FAM227B: variants seen among roughly 807,000 people sequenced by gnomAD.
FAM227B encodes family with sequence similarity 227 member B.
In FAM227B, 88 loss-of-function variants were observed where a neutral mutation model predicts 73.8. The observed-to-expected ratio is 1.19, with a 90% CI of 1.00 to 1.42. FAM227B has a LOEUF of 1.42. Ranked by LOEUF, FAM227B falls within the 40% of genes most tolerant of loss-of-function variation. The probability of loss-of-function intolerance (pLI) is 0.00; values close to 1 mark genes in which losing one functional copy is unlikely to be tolerated. For missense variants in FAM227B, 632 were observed against 590.9 expected (o/e 1.07, Z -0.72); for synonymous variants, 210 against 190.5 (o/e 1.10, Z -0.84).
At chr15:49,456,262 T>C (rs2053276344) in intron 11 of FAM227B, among the ~76,000 whole-genome samples, 1 of 152,092 alleles carries the variant, frequency 6.6e-6, no homozygotes, top group Non-Finnish European at 1.5e-5. Context: ...TCCCAAAATG[T>C]GTTTGATGAT....
At chr15:49,598,873 A>G (rs958616447) in intron 3 of FAM227B, among the ~76,000 whole-genome samples, 6 of 152,036 alleles carry the variant, frequency 3.9e-5, no homozygotes, top group African/African-American at 1.4e-4. Flanking sequence ...GGATTTTGCC[A>G]TTACTATTCA....
intron 11 of FAM227B, among the ~76,000 whole-genome samples, chr15:49,374,176 A>G (rs1273374823): frequency 6.6e-6 from 1 of 152,212 alleles, no homozygotes; most frequent in Non-Finnish European, 1.5e-5. Flanking sequence ...CTTCAAGATC[A>G]GATCTTTCAG....
At chr15:49,460,600 A>G (rs2053704829) in intron 11 of FAM227B, among the ~76,000 whole-genome samples, 1 of 152,228 alleles carries the variant, frequency 6.6e-6, no homozygotes, top group Non-Finnish European at 1.5e-5. Context: ...AATCCCAAAA[A>G]TGTTCTAGCA....
intron 5 of FAM227B, among the ~76,000 whole-genome samples, chr15:49,582,398 G>A (rs1052717877): frequency 7.9e-5 from 12 of 152,154 alleles, no homozygotes; most frequent in African/African-American, 2.9e-4. Flanking sequence ...TTACATAATG[G>A]TAAAAGACTC....
intron 11 of FAM227B, among the ~76,000 whole-genome samples, chr15:49,402,527 T>G (rs2048237813): frequency 6.6e-6 from 1 of 152,206 alleles, no homozygotes; most frequent in African/African-American, 2.4e-5. Flanking sequence ...GGCATTTTAT[T>G]TTTATTGTAG....
At chr15:49,462,426 C>T (rs2053886362) in intron 11 of FAM227B, among the ~76,000 whole-genome samples, 2 of 152,132 alleles carry the variant, frequency 1.3e-5, no homozygotes. Flanking sequence ...AGAGAGCTGG[C>T]CTTAGTCCAG....
Position 49,328,172 on chromosome 15 carries a change from A to T in FAM227B, c.*396T>A. ...GCTTGAGGCCTGAAAAAATGTAAAAAGTCTGAGAGAAACTACTTAGGGCAC... is the reference window on the plus strand; with the variant it reads ...GCTTGAGGCCTGAAAAAATGTAAAATGTCTGAGAGAAACTACTTAGGGCAC... On this transcript the variant is annotated 3_prime_UTR_variant, in exon 16 of 16. Coordinates refer to ENST00000299338, the MANE Select transcript of FAM227B (RefSeq NM_152647.3). The T allele has an allele frequency of 1.9e-6, 3 of 1,608,188 alleles. No homozygotes were observed. The highest frequency in any genetic ancestry group is 2.5e-6 in the Non-Finnish European group (3 of 1,176,842).
chr15:49,475,071 T>A (rs2055136761), intron 11 of FAM227B, among the ~76,000 whole-genome samples: 1 of 152,120 alleles, frequency 6.6e-6, no homozygotes, highest in South Asian at 2.1e-4. Context: ...TATAATAAAT[T>A]ATCACAAAAG....
intron 3 of FAM227B, among the ~76,000 whole-genome samples, chr15:49,591,747 A>C (rs575489538): frequency 2.0e-4 from 30 of 151,958 alleles, no homozygotes; most frequent in African/African-American, 6.8e-4. Flanking sequence ...GGCCTCCCAA[A>C]ATGCTGCGAT....
intron 3 of FAM227B, among the ~76,000 whole-genome samples, chr15:49,610,908 C>G (rs561241247): frequency 1.1e-3 from 169 of 152,150 alleles, no homozygotes; most frequent in Middle Eastern, 6.8e-3. Flanking sequence ...GATAAGTAAG[C>G]ATAACTGTTG....
intron 5 of FAM227B, among the ~76,000 whole-genome samples, chr15:49,582,517 C>T (rs1214456996): frequency 6.6e-6 from 1 of 152,160 alleles, no homozygotes; most frequent in African/African-American, 2.4e-5. Context: ...TAGACTCCCA[C>T]ACAGTAATAC....
chr15:49,453,578 T>C (rs1449439480), intron 11 of FAM227B, among the ~76,000 whole-genome samples: 1 of 152,186 alleles, frequency 6.6e-6, no homozygotes, highest in African/African-American at 2.4e-5. Flanking sequence ...GTGTAGACCA[T>C]GTAACCGTCA....
chr15:49,431,623 G>T (rs2050628018), intron 11 of FAM227B, among the ~76,000 whole-genome samples: 2 of 151,762 alleles, frequency 1.3e-5, no homozygotes, highest in South Asian at 4.2e-4. Flanking sequence ...CTCTTCTACT[G>T]GAGTGGTCAT....
chr15:49,589,718 G>T, intron 4 of FAM227B, 58 bp downstream of exon 4: 1 of 1,111,254 alleles, frequency 9.0e-7, no homozygotes, highest in East Asian at 2.5e-5. Flanking sequence ...TTGGAGACCA[G>T]CCTGGGAAAC....
chr15:49,328,274 T>C lies in FAM227B; in HGVS notation c.*294A>G. The C allele has an allele frequency of 3.5e-6, 5 of 1,448,072 alleles. No individual in the cohort carries two copies. The highest frequency in any genetic ancestry group is 1.8e-6 in the Non-Finnish European group (2 of 1,101,304). The allele number at this position is 1,448,072 out of a possible 1,614,324, so 89.7% of individuals were successfully genotyped here. A position where few individuals can be genotyped will look rare whatever the true frequency, so the allele number is the denominator to read the frequency against. On this transcript the variant is annotated 3_prime_UTR_variant, in exon 16 of 16. Coordinates refer to ENST00000299338, the MANE Select transcript of FAM227B (RefSeq NM_152647.3). ...TTTGTATTATGATGAACGGTTGCTA[T>C]TATATCAAGATATATTTTCAAAGAA...
chr15:49,537,880 A>T (rs2070496198), intron 10 of FAM227B, among the ~76,000 whole-genome samples: 1 of 152,174 alleles, frequency 6.6e-6, no homozygotes, highest in African/African-American at 2.4e-5. Flanking sequence ...TACAGAAATA[A>T]AGAATAAAAT....
chr15:49,460,746 T>C (rs532696206), intron 11 of FAM227B, among the ~76,000 whole-genome samples: 1 of 152,288 alleles, frequency 6.6e-6, no homozygotes, highest in Non-Finnish European at 1.5e-5. Flanking sequence ...TTATAAAAAC[T>C]GTGCAGCTTC....
chr15:49,406,146 C>G (rs1322984278), intron 11 of FAM227B, among the ~76,000 whole-genome samples: 4 of 152,310 alleles, frequency 2.6e-5, no homozygotes, highest in South Asian at 4.1e-4. Context: ...TCCCAGACCA[C>G]TGGTCACTGC....
intron 11 of FAM227B, among the ~76,000 whole-genome samples, chr15:49,416,806 C>T (rs907013335): frequency 6.6e-6 from 1 of 150,868 alleles, no homozygotes; most frequent in Non-Finnish European, 1.5e-5. Flanking sequence ...CACAAACACA[C>T]AAATACCTAG....
Sources: gnomAD v4.1 joint callset for allele counts (sites outside exome capture counted in the v4.1 genomes callset) on GRCh38, gnomAD v4.1.1 for gene constraint, MANE v1.5 for transcripts, NCBI Gene and HGNC (gene_info 2026-07-23, HGNC 2026-07-21) for gene names.